The following SLC7A9 variants were observed in gnomAD, a reference collection of about 807,000 sequenced individuals.
The protein encoded by SLC7A9 is B(0,+)-type amino acid transporter 1.
Under a neutral mutation model 54.1 loss-of-function variants are expected in SLC7A9, and 38 were observed. That is an observed-to-expected ratio of 0.70 (90% CI 0.54 to 0.92). The LOEUF is 0.92. Ranked by LOEUF, SLC7A9 falls within the 40% of genes least tolerant of loss-of-function variation. SLC7A9 has a pLI of 0.00. For missense variants in SLC7A9, 537 were observed against 636.1 expected, an observed-to-expected ratio of 0.84 and a Z score of 1.68; for synonymous variants, 264 against 258.9, an observed-to-expected ratio of 1.02 and a Z score of -0.19.
intron 9 of SLC7A9, among the ~76,000 whole-genome samples, chr19:32,854,107 G>A (rs1968549313): frequency 1.3e-5 from 2 of 151,594 alleles, no homozygotes; most frequent in Admixed American, 6.6e-5. Flanking sequence ...CGACCTCCTG[G>A]GCTCACACGA....
Position 32,830,691 on chromosome 19 carries a change from TAA to T in SLC7A9, c.1400-9_1400-8del, listed in dbSNP as rs1055169964. On this transcript the variant is annotated splice_region_variant and splice_polypyrimidine_tract_variant and intron_variant, in intron 12 of 12. Coordinates refer to ENST00000023064, the MANE Select transcript of SLC7A9 (RefSeq NM_014270.5). ...AGGTGCATGGTAATCGGCTCTGAAA[TAA>T]GAGTCAAAAATGAGTACAGTTAGTT... is the stretch of plus-strand genomic sequence containing the variant. The T allele has an allele frequency of 1.2e-6, 2 of 1,612,996 alleles. No individual in the cohort carries two copies. The highest frequency in any genetic ancestry group is 1.3e-5 in the African/African-American group (1 of 74,896).
chr19:32,867,233 G>A (rs963307261), intron 2 of SLC7A9, among the ~76,000 whole-genome samples: 2 of 152,208 alleles, frequency 1.3e-5, no homozygotes, highest in South Asian at 2.1e-4. Flanking sequence ...TGGGCACAGC[G>A]ACTCACGCCT....
In SLC7A9 at chr19:32,858,528, C is replaced by T. The variant is rs1599679054; in HGVS notation, c.889G>A (p.Val297Ile). Residue 297 changes from valine to isoleucine, a missense_variant, in exon 9 of 13, where the codon GTT becomes ATT. By Grantham distance (29) the Val-to-Ile change is conservative (BLOSUM62 3). Transcript: ENST00000023064. Reference protein sequence around the residue: ...QAVAVTFGDRVLYPASWIVPL... With the variant: ...QAVAVTFGDRILYPASWIVPL... ...ACGATCCAAGAAGCAGGATAGAGAA[C>T]ACGGTCACCAAATGTCTGGTGAGAG... is the stretch of plus-strand genomic sequence containing the variant. 1.2e-6 allele frequency: 2 copies of T among 1,612,386 alleles called. No homozygotes were observed. The highest frequency in any genetic ancestry group is 1.7e-6 in the Non-Finnish European group (2 of 1,179,504).
At chr19:32,858,330 T>G in intron 9 of SLC7A9, 110 bp downstream of exon 9, 1 of 770,602 alleles carries the variant, frequency 1.3e-6, no homozygotes, top group Non-Finnish European at 2.2e-6. Context: ...TGTACTGGCG[T>G]GGGTTTCGCC....
Position 32,843,917 on chromosome 19 carries a change from G to T in SLC7A9, c.1012C>A (p.Leu338Ile). Reference protein sequence around the residue: ...IYVAGREGHMLKVLSYISVRR... With the variant: ...IYVAGREGHMIKVLSYISVRR... ...ACGCTGATGTAAGAAAGCACTTTGA[G>T]CATGTGACCCTCCCGGCCCGCCACG... Residue 338 changes from leucine to isoleucine, a missense_variant, in exon 10 of 13, where the codon CTC (leucine) becomes ATC (isoleucine). By Grantham distance (5) the Leu-to-Ile change is conservative. Coordinates refer to ENST00000023064, the MANE Select transcript of SLC7A9 (RefSeq NM_014270.5). The T allele has an allele frequency of 6.2e-7, 1 of 1,613,944 alleles. No homozygotes were observed. Among genetic ancestry groups the T allele is most frequent in the Non-Finnish European group, 8.5e-7 (1 of 1,180,006 alleles).
chr19:32,864,806 G>C, intron 2 of SLC7A9, 30 bp from the exon 3 acceptor site: 1 of 1,613,804 alleles, frequency 6.2e-7, no homozygotes, highest in Non-Finnish European at 8.5e-7. Context: ...GAGGGCGTTA[G>C]TGCCACGCCC....
Position 32,862,474 on chromosome 19 carries a change from C to T in SLC7A9, c.591G>A (p.Val197=). ...CCCGTGGGTCACCTTGGGCCAGGAGCACCAGCCCGCTGATGATGATGATGG... is the reference window on the plus strand; with the variant it reads ...CCCGTGGGTCACCTTGGGCCAGGAGTACCAGCCCGCTGATGATGATGATGG... ...IVAIIIISGL[V]LLAQGNTKNF... is the part of the protein sequence containing the mutation. The change falls in exon 5 of 13, where the codon GTG becomes GTA. Residue 197 remains valine (V), a synonymous_variant. Transcript: ENST00000023064. 1 of 1,613,018 alleles carries T rather than the reference C, an allele frequency of 6.2e-7. No individual in the cohort carries two copies.
In SLC7A9 at chr19:32,868,368, C is replaced by T. The variant is rs955132737; in HGVS notation, c.87+80G>A. The T allele has an allele frequency of 3.5e-5, 36 of 1,026,674 alleles. No homozygotes were observed. The East Asian group carries it at 4.3e-4, about 12-fold the overall frequency. The allele number at this position is 1,026,674 out of a possible 1,614,324, so 63.6% of individuals were successfully genotyped here. A position where few individuals can be genotyped will look rare whatever the true frequency, so the allele number is the denominator to read the frequency against. ...TCTGCCGTGTCACTAGGGATCGGCC[C>T]GGATTTCACTGCCTGCGCCCCTCGT... On this transcript the variant is annotated intron_variant, in intron 2 of 12. Coordinates refer to ENST00000023064, the MANE Select transcript of SLC7A9 (RefSeq NM_014270.5).
intron 9 of SLC7A9, among the ~76,000 whole-genome samples, chr19:32,846,316 C>A (rs556800491): frequency 1.3e-4 from 20 of 152,214 alleles, no homozygotes; most frequent in Non-Finnish European, 2.6e-4. Context: ...GTCACTCCCA[C>A]CCTAATACTG....
chr19:32,862,086 C>T lies in SLC7A9; in HGVS notation c.704+32G>A, dbSNP rs1031706624. 7 of 1,464,184 alleles carry T rather than the reference C, an allele frequency of 4.8e-6. No homozygotes were observed. In the African/African-American group the frequency reaches 8.3e-5, roughly 17 times the overall value. 90.7% of individuals were successfully genotyped at this position (1,464,184 alleles called of 1,614,324 possible). A position where few individuals can be genotyped will look rare whatever the true frequency, so the allele number is the denominator to read the frequency against. ...AAGTCACCTGGAGAACCCCACCCACCCCCAGACTCGGGACATCTCAGGACA... is the reference window on the plus strand; with the variant it reads ...AAGTCACCTGGAGAACCCCACCCACTCCCAGACTCGGGACATCTCAGGACA... On this transcript the variant is annotated intron_variant, in intron 6 of 12. Transcript: ENST00000023064.
intron 1 of SLC7A9, 45 bp from the exon 2 acceptor site, chr19:32,868,690 G>GCCAGT: frequency 1.4e-6 from 1 of 702,320 alleles, no homozygotes; most frequent in East Asian, 2.7e-5. Flanking sequence ...GGGGGCCGCT[G>GCCAGT]CCAGTCCCTC....
intron 6 of SLC7A9, among the ~76,000 whole-genome samples, chr19:32,861,528 G>T (rs1968798619): frequency 6.6e-6 from 1 of 152,104 alleles, no homozygotes; most frequent in African/African-American, 2.4e-5. Context: ...TCAAGAGCTT[G>T]GGGCTGGGCG....
intron 9 of SLC7A9, among the ~76,000 whole-genome samples, chr19:32,852,905 C>CTTT (rs56119122): frequency 2.5e-4 from 24 of 97,574 alleles, no homozygotes; most frequent in Admixed American, 3.5e-4. Flanking sequence ...AAGCTATAAA[C>CTTT]TTTTTTTTTT....
At chr19:32,831,935 C>A (rs1967808225) in intron 12 of SLC7A9, among the ~76,000 whole-genome samples, 1 of 152,214 alleles carries the variant, frequency 6.6e-6, no homozygotes, top group African/African-American at 2.4e-5. Context: ...TTTACACTGA[C>A]AAGTGGCTGA....
chr19:32,868,347 C>A, intron 2 of SLC7A9, 101 bp downstream of exon 2: 1 of 793,914 alleles, frequency 1.3e-6, no homozygotes, highest in Non-Finnish European at 2.3e-6. Context: ...ACATCTTCTG[C>A]CGTGTCACTA....
At chr19:32,844,549 C>T (rs1043752408) in intron 9 of SLC7A9, among the ~76,000 whole-genome samples, 12 of 151,934 alleles carry the variant, frequency 7.9e-5, no homozygotes, top group Admixed American at 6.6e-5. Context: ...TTAAAAATTT[C>T]GGCCAGGCAC....
chr19:32,845,519 CA>C (rs1184606345), intron 9 of SLC7A9, among the ~76,000 whole-genome samples: 1 of 151,916 alleles, frequency 6.6e-6, no homozygotes, highest in South Asian at 2.1e-4. Context: ...ACCAAACAAA[CA>C]AAAAAACCCA....
Position 32,843,941 on chromosome 19 carries a change from C to T in SLC7A9, c.988G>A (p.Val330Met), listed in dbSNP as rs201618022. 2.0e-4 allele frequency: 316 copies of T among 1,613,112 alleles called. No individual in the cohort carries two copies. The highest frequency in any genetic ancestry group is 2.5e-4 in the Non-Finnish European group (296 of 1,179,622). The change falls in exon 10 of 13, where the codon GTG becomes ATG. Residue 330 changes from valine (V) to methionine (M), a missense_variant. Coordinates refer to ENST00000023064, the MANE Select transcript of SLC7A9 (RefSeq NM_014270.5). ...TCFTAGRLIY[V>M]AGREGHMLKV... ...AGCATGTGACCCTCCCGGCCCGCCACGTAAATGAGTCTGGAAAATAACGAC... is the reference window on the plus strand; with the variant it reads ...AGCATGTGACCCTCCCGGCCCGCCATGTAAATGAGTCTGGAAAATAACGAC...
At chr19:32,863,078 A>G (rs1212386984) in intron 4 of SLC7A9, 1 of 152,078 alleles carries the variant, frequency 6.6e-6, no homozygotes, top group African/African-American at 2.4e-5. Context: ...TCCCTGCCAG[A>G]TCGCCCTCAT....
Sources: allele counts gnomAD v4.1 joint callset (sites outside exome capture counted in the v4.1 genomes callset), GRCh38; gene constraint gnomAD v4.1.1; transcripts MANE v1.5; gene names NCBI Gene and HGNC (gene_info 2026-07-23, HGNC 2026-07-21).